STIM1: variants seen among roughly 807,000 people sequenced by gnomAD.
STIM1 encodes the protein stromal interaction molecule 1.
Under a neutral mutation model 74.7 loss-of-function variants are expected in STIM1, and 25 were observed. The observed-to-expected ratio is 0.33, with a 90% CI of 0.24 to 0.47. STIM1 has a LOEUF of 0.47. Ranked by LOEUF, STIM1 falls within the 20% of genes least tolerant of loss-of-function variation. The pLI is 1.00. For synonymous variants in STIM1, 328 were observed against 348.8 expected (o/e 0.94, Z 0.66); for missense variants, 728 against 920.8 (o/e 0.79, Z 2.71).
At chr11:3,996,918 C>A (rs1337890829) in intron 2 of STIM1, among the ~76,000 whole-genome samples, 1 of 152,160 alleles carries the variant, frequency 6.6e-6, no homozygotes. Context: ...GCAGTATTTA[C>A]CCCAATTAAG....
chr11:3,856,506 G>A, intron 1 of STIM1, 97 bp downstream of exon 1: 1 of 1,438,572 alleles, frequency 7.0e-7, no homozygotes, highest in Non-Finnish European at 9.3e-7. Context: ...GTACATGTGA[G>A]GTTCATGGAG....
At chr11:4,060,867 G>A (rs1034912915) in intron 5 of STIM1, among the ~76,000 whole-genome samples, 5 of 152,166 alleles carry the variant, frequency 3.3e-5, no homozygotes, top group South Asian at 2.1e-4. Flanking sequence ...GTTTCCTATT[G>A]GAGTCCAGGG....
chr11:4,041,355 A>T (rs567788357), intron 3 of STIM1, among the ~76,000 whole-genome samples: 18 of 152,312 alleles, frequency 1.2e-4, no homozygotes, highest in African/African-American at 4.3e-4. Context: ...GCTAGAGTAG[A>T]AGCCAATAAA....
At chr11:4,027,727 G>C (rs2094009692) in intron 3 of STIM1, among the ~76,000 whole-genome samples, 1 of 152,192 alleles carries the variant, frequency 6.6e-6, no homozygotes, top group African/African-American at 2.4e-5. Flanking sequence ...GATTGGCGTA[G>C]TGTGGATTAC....
At chr11:3,874,020 C>T (rs1210857686) in intron 1 of STIM1, among the ~76,000 whole-genome samples, 1 of 152,198 alleles carries the variant, frequency 6.6e-6, no homozygotes, top group Non-Finnish European at 1.5e-5. Flanking sequence ...CTAGGTCCTG[C>T]TCCGGCCTCC....
chr11:3,985,065 T>G (rs118153776), intron 2 of STIM1, among the ~76,000 whole-genome samples: 1 of 152,272 alleles, frequency 6.6e-6, no homozygotes, highest in Non-Finnish European at 1.5e-5. Flanking sequence ...TTGCAATCTG[T>G]CCCAGTACCT....
intron 7 of STIM1, among the ~76,000 whole-genome samples, chr11:4,078,846 C>T (rs910047906): frequency 6.6e-5 from 10 of 151,016 alleles, no homozygotes; most frequent in Admixed American, 2.0e-4. Context: ...GCTGGGATTA[C>T]AGGCGTGAGC....
At chr11:3,961,329 G>T in intron 1 of STIM1, 1 of 244,050 alleles carries the variant, frequency 4.1e-6, no homozygotes, top group South Asian at 6.3e-5. Flanking sequence ...TGAGGAAGCT[G>T]AAAACAAGAC....
intron 1 of STIM1, among the ~76,000 whole-genome samples, chr11:3,883,181 T>G (rs1306769012): frequency 1.3e-5 from 2 of 152,212 alleles, no homozygotes; most frequent in Non-Finnish European, 1.5e-5. Context: ...GCTTTTCTCT[T>G]TGTCTAGAAT....
chr11:3,921,549 G>A (rs2092718028), intron 1 of STIM1, among the ~76,000 whole-genome samples: 1 of 152,314 alleles, frequency 6.6e-6, no homozygotes, highest in African/African-American at 2.4e-5. Context: ...GGTAAGATGT[G>A]TGTGCTCCAC....
At chr11:3,866,429 CTT>C (rs375183049) in intron 1 of STIM1, among the ~76,000 whole-genome samples, 25 of 136,724 alleles carry the variant, frequency 1.8e-4, no homozygotes, top group Admixed American at 2.2e-4. Flanking sequence ...CTTGCTATGT[CTT>C]TTTTTTTTTT....
chr11:3,997,366 G>A (rs985622169), intron 2 of STIM1, among the ~76,000 whole-genome samples: 4 of 152,194 alleles, frequency 2.6e-5, no homozygotes, highest in Admixed American at 2.0e-4. Flanking sequence ...AATTTATTAA[G>A]TGGATACTGT....
chr11:4,021,780 A>G (rs921694889), intron 2 of STIM1, among the ~76,000 whole-genome samples: 4 of 152,124 alleles, frequency 2.6e-5, no homozygotes, highest in African/African-American at 7.2e-5. Flanking sequence ...GGTAGTATGA[A>G]TATTTTAACA....
chr11:4,091,641 G>A lies in STIM1; in HGVS notation c.1994G>A (p.Arg665Gln), dbSNP rs200632934. The A allele has an allele frequency of 2.7e-5, 44 of 1,614,076 alleles. No individual in the cohort carries two copies. Among genetic ancestry groups the A allele is most frequent in the African/African-American group, 1.1e-4 (8 of 74,908 alleles). Reference sequence around the variant, plus strand: ...ACACCATCTCCAGTTGGGGACAGCCGAGCCCTGCAAGCCAGCCGAAACACA... The same window carrying A: ...ACACCATCTCCAGTTGGGGACAGCCAAGCCCTGCAAGCCAGCCGAAACACA... ...PDTPSPVGDS[R>Q]ALQASRNTRI... The change falls in exon 13 of 13, where the codon CGA (arginine) becomes CAA (glutamine). Residue 665 changes from arginine to glutamine, a missense_variant. Arg to Gln is a conservative substitution (Grantham distance 43). Around this residue, in one of 5 missense-constraint regions of STIM1, gnomAD observed 352 missense variants for 370.1 expected, o/e 0.95. Coordinates refer to ENST00000526596, the MANE Select transcript of STIM1 (RefSeq NM_001382567.1).
chr11:3,935,797 T>G (rs973407833), intron 1 of STIM1, among the ~76,000 whole-genome samples: 1 of 152,248 alleles, frequency 6.6e-6, no homozygotes, highest in Non-Finnish European at 1.5e-5. Flanking sequence ...GAGGATGCCT[T>G]TGAGTCTTCA....
chr11:3,946,141 G>A lies in STIM1; in HGVS notation c.140-21411G>A, dbSNP rs547483102. Reference sequence around the variant, plus strand: ...TATATCAATGGGGTTGGAACAGCAGGCGCTGGATAGGAATTTCTTGAATAA... The same window carrying A: ...TATATCAATGGGGTTGGAACAGCAGACGCTGGATAGGAATTTCTTGAATAA... On this transcript the variant is annotated intron_variant, in intron 1 of 12. Transcript: ENST00000526596. 4.6e-5 allele frequency among the ~76,000 whole-genome samples: 7 copies of A among 152,290 alleles called. No individual in the cohort carries two copies. In the South Asian group the frequency reaches 1.2e-3, roughly 27 times the overall value.
intron 12 of STIM1, among the ~76,000 whole-genome samples, chr11:4,090,058 G>T (rs1363528331): frequency 1.3e-5 from 2 of 152,162 alleles, no homozygotes; most frequent in Admixed American, 1.3e-4. Context: ...GCCTGTGTGT[G>T]TGCATGTCCA....
At chr11:4,010,107 G>A (rs1458278191) in intron 2 of STIM1, among the ~76,000 whole-genome samples, 1 of 151,808 alleles carries the variant, frequency 6.6e-6, no homozygotes, top group African/African-American at 2.4e-5. Context: ...GAGCCATGGA[G>A]CCCAACCTGT....
intron 1 of STIM1, among the ~76,000 whole-genome samples, chr11:3,859,438 C>T (rs1049935865): frequency 6.6e-5 from 10 of 152,188 alleles, no homozygotes; most frequent in South Asian, 2.1e-4. Flanking sequence ...TGCTTGGAAC[C>T]GTCCTTAGAC....
Sources: gnomAD v4.1 joint callset for allele counts (sites outside exome capture counted in the v4.1 genomes callset) on GRCh38, gnomAD v4.1.1 for gene constraint, gnomAD v4.1.1 regional missense constraint, MANE v1.5 for transcripts, NCBI Gene and HGNC (gene_info 2026-07-23, HGNC 2026-07-21) for gene names.